The following PLCH1 variants were observed in gnomAD, a reference collection of about 807,000 sequenced individuals.
PLCH1 encodes 1-phosphatidylinositol 4,5-bisphosphate phosphodiesterase eta-1.
A neutral mutation model predicts 126.7 loss-of-function variants in PLCH1; 60 were observed. The ratio of observed to expected loss-of-function variants is 0.47; its 90% CI spans 0.38 to 0.59. The LOEUF (loss-of-function observed/expected upper bound fraction) is 0.59. PLCH1 is among the 20% of genes least tolerant of loss of function. The pLI, the probability that PLCH1 is intolerant of heterozygous loss-of-function variation, is 0.00. For synonymous variants in PLCH1, 719 were observed against 734.9 expected (o/e 0.98, Z 0.35); for missense variants, 1,723 against 2,040.0 (o/e 0.84, Z 2.99).
chr3:155,667,195 G>A (rs1020592066), intron 2 of PLCH1, among the ~76,000 whole-genome samples: 4 of 151,986 alleles, frequency 2.6e-5, no homozygotes, highest in East Asian at 3.9e-4. Flanking sequence ...TAGAACTTTC[G>A]CTTGTCTTTT....
chr3:155,619,984 C>T (rs555177964), intron 2 of PLCH1, among the ~76,000 whole-genome samples: 2 of 152,170 alleles, frequency 1.3e-5, no homozygotes, highest in Non-Finnish European at 2.9e-5. Flanking sequence ...CATAAGCTTC[C>T]TTTAAAAAAA....
intron 1 of PLCH1, among the ~76,000 whole-genome samples, chr3:155,709,968 T>C (rs981740429): frequency 1.3e-5 from 2 of 151,982 alleles, no homozygotes; most frequent in Non-Finnish European, 2.9e-5. Context: ...CTTTAAGAAG[T>C]GTTTGGTTGG....
intron 2 of PLCH1, among the ~76,000 whole-genome samples, chr3:155,696,236 G>A (rs1337333304): frequency 6.6e-6 from 1 of 152,154 alleles, no homozygotes; most frequent in Non-Finnish European, 1.5e-5. Context: ...AAAGGAATGA[G>A]CCCTAAGAAA....
intron 2 of PLCH1, among the ~76,000 whole-genome samples, chr3:155,651,068 A>G (rs1740662014): frequency 6.6e-6 from 1 of 152,312 alleles, no homozygotes; most frequent in South Asian, 2.1e-4. Flanking sequence ...TTAAACAATA[A>G]TATTCAACTG....
chr3:155,462,060 G>T (rs1158546871), intron 21 of PLCH1, among the ~76,000 whole-genome samples: 1 of 152,194 alleles, frequency 6.6e-6, no homozygotes, highest in East Asian at 1.9e-4. Flanking sequence ...AGGCAGTATT[G>T]CTTCTTAGAG....
intron 6 of PLCH1, among the ~76,000 whole-genome samples, chr3:155,578,593 C>A (rs1450648148): frequency 6.6e-6 from 1 of 152,124 alleles, no homozygotes; most frequent in African/African-American, 2.4e-5. Context: ...AGATACTTCT[C>A]AGGAAATTCT....
At chr3:155,610,902 C>T (rs1734997446) in intron 2 of PLCH1, among the ~76,000 whole-genome samples, 1 of 152,082 alleles carries the variant, frequency 6.6e-6, no homozygotes, top group African/African-American at 2.4e-5. Context: ...AAATGCTCCA[C>T]TTGAAAGATA....
chr3:155,596,498 A>C, intron 2 of PLCH1, 120 bp from the exon 3 acceptor site: 1 of 713,210 alleles, frequency 1.4e-6, no homozygotes. Flanking sequence ...ACCAGAACAA[A>C]TTTGGTAGAG....
At position 155,481,979 on chromosome 3, in the gene PLCH1, G is replaced by T. The variant is rs776866048; in HGVS notation, c.4047C>A (p.Ser1349Arg). Reference protein sequence around the residue: ...DPTLCFNSGESSLVEIDGESE... With the variant: ...DPTLCFNSGERSLVEIDGESE... ...ATTCTCCATCAATTTCCACAAGGCT[G>T]CTCTCCCCAGAATTGAAACAGAGAG... The change falls in exon 23 of 23, where the codon AGC (serine) becomes AGA (arginine). Residue 1349 changes from serine (S) to arginine (R), a missense_variant. Physicochemically the swap from Ser to Arg is moderately radical, Grantham distance 110. Coordinates refer to ENST00000460012, the MANE Select transcript of PLCH1 (RefSeq NM_014996.4). The surrounding 1 kb of genome is among the most constrained non-coding windows in gnomAD (Gnocchi z 4.2). 1.5e-5 allele frequency: 24 copies of T among 1,614,148 alleles called. No homozygotes were observed. Among genetic ancestry groups the T allele is most frequent in the Non-Finnish European group, 2.0e-5 (24 of 1,180,018 alleles).
intron 2 of PLCH1, among the ~76,000 whole-genome samples, chr3:155,630,268 T>A (rs1243371374): frequency 6.6e-6 from 1 of 152,236 alleles, no homozygotes; most frequent in Admixed American, 6.5e-5. Context: ...TGTGGTTATC[T>A]CAGAGCCAGT....
At chr3:155,460,070 G>A (rs1712651292) in intron 21 of PLCH1, among the ~76,000 whole-genome samples, 1 of 152,116 alleles carries the variant, frequency 6.6e-6, no homozygotes, top group South Asian at 2.1e-4. Context: ...TAAAGTTTAA[G>A]AATCATTGAA....
At position 155,607,679 on chromosome 3, in the gene PLCH1, C is replaced by T. The variant is rs540625357; in HGVS notation, c.80-11301G>A. 4.8e-4 allele frequency among the ~76,000 whole-genome samples: 73 copies of T among 152,184 alleles called. 1 individual carries two copies. The South Asian group carries it at 0.013, about 28-fold the overall frequency. On this transcript the variant is annotated intron_variant, in intron 2 of 22. Transcript: ENST00000460012. ...CTGGTCTCAAACTCCTGGGCTCAAG[C>T]GATCTGCCTGCCTCAGCCTCCCAGA... is the stretch of plus-strand genomic sequence containing the variant.
chr3:155,542,446 C>G (rs920613251), intron 10 of PLCH1, among the ~76,000 whole-genome samples: 25 of 152,192 alleles, frequency 1.6e-4, no homozygotes, highest in Non-Finnish European at 2.8e-4. Context: ...TAGGCTCCAC[C>G]TCTGGGGGCA....
At chr3:155,517,317 TAATAA>T (rs1289220207) in intron 11 of PLCH1, among the ~76,000 whole-genome samples, 1 of 152,042 alleles carries the variant, frequency 6.6e-6, no homozygotes, top group Admixed American at 6.6e-5. Flanking sequence ...TAAAAAATAA[TAATAA>T]AATAAAGTTT....
intron 8 of PLCH1, among the ~76,000 whole-genome samples, chr3:155,561,548 G>C (rs1287565459): frequency 2.6e-5 from 4 of 151,584 alleles, no homozygotes; most frequent in Non-Finnish European, 4.4e-5. Flanking sequence ...GGACATTTGG[G>C]TTGGTTCCAA....
intron 21 of PLCH1, among the ~76,000 whole-genome samples, chr3:155,471,890 A>T (rs980244099): frequency 6.6e-6 from 1 of 152,148 alleles, no homozygotes; most frequent in African/African-American, 2.4e-5. Flanking sequence ...GAGAACAAAG[A>T]CACAACATAC....
intron 2 of PLCH1, among the ~76,000 whole-genome samples, chr3:155,597,518 C>T (rs771777017): frequency 4.6e-5 from 7 of 152,146 alleles, no homozygotes; most frequent in Non-Finnish European, 8.8e-5. Flanking sequence ...CATTAGAGCA[C>T]TCAAAATACC....
In PLCH1 at chr3:155,744,990, G is replaced by T. The variant is rs180980511; in HGVS notation, c.-191C>A. 1 of 152,814 alleles carries T rather than the reference G, an allele frequency of 6.5e-6. No homozygotes were observed. The highest frequency in any genetic ancestry group is 2.4e-5 in the African/African-American group (1 of 41,542). The allele number at this position is 152,814 out of a possible 1,614,324, so 9.5% of individuals were successfully genotyped here. A position where few individuals can be genotyped will look rare whatever the true frequency, so the allele number is the denominator to read the frequency against. On this transcript the variant is annotated 5_prime_UTR_variant, in exon 1 of 23. Transcript: ENST00000460012. ...GGGCCAGAAAAGCCCCCCTAGAAGAGCACTTCTCCCCACTAGCCAGCAGAA... is the reference window on the plus strand; with the variant it reads ...GGGCCAGAAAAGCCCCCCTAGAAGATCACTTCTCCCCACTAGCCAGCAGAA...
At chr3:155,468,505 A>C (rs1285650527) in intron 21 of PLCH1, among the ~76,000 whole-genome samples, 1 of 152,170 alleles carries the variant, frequency 6.6e-6, no homozygotes, top group Non-Finnish European at 1.5e-5. Flanking sequence ...AACACACTTC[A>C]CCTACACGGA....
Sources: allele counts gnomAD v4.1 joint callset (sites outside exome capture counted in the v4.1 genomes callset), GRCh38; gene constraint gnomAD v4.1.1; non-coding constraint Gnocchi (gnomAD v3.1); transcripts MANE v1.5; gene names NCBI Gene and HGNC (gene_info 2026-07-23, HGNC 2026-07-21).